Variants in KIF13B observed in about 807,000 individuals in gnomAD.
KIF13B encodes kinesin-like protein KIF13B.
KIF13B carries 127 observed loss-of-function variants against 222.0 expected under a neutral mutation model. The ratio of observed to expected loss-of-function variants is 0.57; its 90% CI spans 0.50 to 0.66. The LOEUF (loss-of-function observed/expected upper bound fraction) is 0.66. Among genes scored for constraint, KIF13B ranks in the 30% least tolerant of loss-of-function variants. The probability of loss-of-function intolerance (pLI) is 0.00; values close to 1 mark genes in which losing one functional copy is unlikely to be tolerated. For missense variants in KIF13B, 2,173 were observed against 2,379.0 expected, an observed-to-expected ratio of 0.91 and a Z score of 1.80; for synonymous variants, 976 against 919.0, an observed-to-expected ratio of 1.06 and a Z score of -1.12.
At chr8:29,112,572 G>A (rs777963335) in intron 32 of KIF13B, among the ~76,000 whole-genome samples, 3 of 152,136 alleles carry the variant, frequency 2.0e-5, no homozygotes, top group Admixed American at 6.6e-5. Flanking sequence ...GGCATGGTAT[G>A]AGGGGCGTCT....
chr8:29,074,498 C>T (rs1032957549), intron 38 of KIF13B, among the ~76,000 whole-genome samples: 1 of 152,252 alleles, frequency 6.6e-6, no homozygotes, highest in Non-Finnish European at 1.5e-5. Context: ...TCTGCAAAAG[C>T]CCAAGCTTGG....
chr8:29,181,944 G>A lies in KIF13B; in HGVS notation c.560C>T (p.Ser187Phe). The A allele has an allele frequency of 1.2e-6, 2 of 1,613,596 alleles. No individual in the cohort carries two copies. The highest frequency in any genetic ancestry group is 2.2e-5 in the East Asian group (1 of 44,862). Residue 187 changes from serine to phenylalanine, a missense_variant, in exon 7 of 40, where the codon TCT becomes TTT. Physicochemically the swap from Ser to Phe is radical, Grantham distance 155. This residue lies in a region of KIF13B where 1,480 missense variants were observed against 1,722.8 expected (regional missense o/e 0.86). Coordinates refer to ENST00000524189, the MANE Select transcript of KIF13B (RefSeq NM_015254.4). ...SVLGPYVDGL[S>F]KLAVTSYKDI... ...CTTGTAGCTTGTGACAGCCAGTTTA[G>A]AAAGTCCGTCGACATAAGGTCCCAA... is the stretch of plus-strand genomic sequence containing the variant.
intron 2 of KIF13B, among the ~76,000 whole-genome samples, chr8:29,228,438 G>T (rs1437042893): frequency 1.4e-5 from 2 of 138,420 alleles, no homozygotes; most frequent in East Asian, 3.9e-4. Context: ...CTGCACTCCA[G>T]CCTGGGTGAC....
chr8:29,209,586 T>C (rs2130464553), intron 2 of KIF13B, among the ~76,000 whole-genome samples: 1 of 152,242 alleles, frequency 6.6e-6, no homozygotes, highest in African/African-American at 2.4e-5. Flanking sequence ...GACTCCCCTC[T>C]CCAGGCAGGG....
intron 32 of KIF13B, among the ~76,000 whole-genome samples, chr8:29,111,600 C>T (rs771404671): frequency 6.6e-6 from 1 of 152,128 alleles, no homozygotes; most frequent in Admixed American, 6.5e-5. Flanking sequence ...TCAAGCTGAT[C>T]CCCCCTATAT....
intron 25 of KIF13B, 58 bp from the exon 26 acceptor site, chr8:29,126,569 T>A (rs1810119434): frequency 9.9e-7 from 1 of 1,013,364 alleles, no homozygotes; most frequent in Non-Finnish European, 1.5e-6. Context: ...AGAATCAGGC[T>A]ACGCTAAACA....
At chr8:29,112,084 G>C (rs1458159881) in intron 32 of KIF13B, among the ~76,000 whole-genome samples, 1 of 152,142 alleles carries the variant, frequency 6.6e-6, no homozygotes, top group Non-Finnish European at 1.5e-5. Flanking sequence ...CATGACTTGA[G>C]AGGCAAAAGC....
chr8:29,206,629 T>C (rs1425692074), intron 2 of KIF13B, among the ~76,000 whole-genome samples: 2 of 152,204 alleles, frequency 1.3e-5, no homozygotes, highest in Non-Finnish European at 1.5e-5. Flanking sequence ...CCCTTTTTCC[T>C]TCTGATAGTC....
At position 29,263,061 on chromosome 8, in the gene KIF13B, G is replaced by T. The variant is rs1587004732; in HGVS notation, c.-27C>A. The T allele has an allele frequency of 6.4e-7, 1 of 1,574,668 alleles. No homozygotes were observed. On this transcript the variant is annotated 5_prime_UTR_variant, in exon 1 of 40. Transcript: ENST00000524189. ...CTGCAGCCGCCGAGGAACTCGTTCG[G>T]CTTCCGTCTGCCGCGGCCACCGGCG... is the stretch of plus-strand genomic sequence containing the variant.
intron 2 of KIF13B, among the ~76,000 whole-genome samples, chr8:29,215,683 C>T (rs549557480): frequency 2.1e-4 from 32 of 152,282 alleles, no homozygotes; most frequent in African/African-American, 7.7e-4. Context: ...CAAGGTGAGA[C>T]CCTTTTTAAT....
intron 2 of KIF13B, among the ~76,000 whole-genome samples, chr8:29,196,963 C>T (rs1227782797): frequency 6.6e-6 from 1 of 152,114 alleles, no homozygotes; most frequent in Non-Finnish European, 1.5e-5. Flanking sequence ...TATTCCTCTC[C>T]GCACACATAA....
intron 17 of KIF13B, 90 bp downstream of exon 17, chr8:29,147,302 T>G: frequency 1.1e-6 from 1 of 910,230 alleles, no homozygotes; most frequent in Non-Finnish European, 1.7e-6. Context: ...GTAAGCACCA[T>G]CTTAATGTTC....
chr8:29,197,286 G>A (rs1813473812), intron 2 of KIF13B, among the ~76,000 whole-genome samples: 2 of 131,744 alleles, frequency 1.5e-5, no homozygotes, highest in East Asian at 4.5e-4. Flanking sequence ...GCAGTGAGCC[G>A]AGATCCCGCC....
At chr8:29,256,764 T>C (rs1046269397) in intron 1 of KIF13B, among the ~76,000 whole-genome samples, 4 of 152,126 alleles carry the variant, frequency 2.6e-5, no homozygotes, top group Non-Finnish European at 4.4e-5. Flanking sequence ...GTTTGTTTGT[T>C]TGTTTGTTTT....
intron 24 of KIF13B, among the ~76,000 whole-genome samples, chr8:29,127,664 C>A (rs1461101658): frequency 1.3e-5 from 2 of 152,176 alleles, no homozygotes; most frequent in Non-Finnish European, 2.9e-5. Flanking sequence ...ATTTCCAATG[C>A]CCTACATTTA....
intron 37 of KIF13B, among the ~76,000 whole-genome samples, chr8:29,082,256 T>C (rs1807846162): frequency 2.6e-5 from 4 of 152,224 alleles, no homozygotes; most frequent in South Asian, 2.1e-4. Context: ...AATTATTTTA[T>C]CACTGCCTAT....
intron 7 of KIF13B, among the ~76,000 whole-genome samples, chr8:29,180,826 A>G (rs1292885588): frequency 6.6e-6 from 1 of 151,458 alleles, no homozygotes; most frequent in Non-Finnish European, 1.5e-5. Context: ...TTTTTTTTTA[A>G]TGTTATAAGC....
Position 29,186,514 on chromosome 8 carries a change from C to T in KIF13B, c.317-42G>A, listed in dbSNP as rs114003518. The T allele has an allele frequency of 1.6e-4, 235 of 1,512,248 alleles. No homozygotes were observed. In the African/African-American group the frequency reaches 2.4e-3, roughly 15 times the overall value. The allele number at this position is 1,512,248 out of a possible 1,614,324, so 93.7% of individuals were successfully genotyped here. On this transcript the variant is annotated intron_variant, in intron 5 of 39. Coordinates refer to ENST00000524189, the MANE Select transcript of KIF13B (RefSeq NM_015254.4). ...CAGAGTTACTATTGTCTCTTTGAGA[C>T]GTTAAATACATAACCCTCTTTCCGT...
chr8:29,240,100 A>C (rs559055420), intron 2 of KIF13B, among the ~76,000 whole-genome samples: 1 of 151,664 alleles, frequency 6.6e-6, no homozygotes, highest in Admixed American at 6.6e-5. Context: ...TTCTCCCCCA[A>C]GCTAAGTGGG....
Sources: allele counts gnomAD v4.1 joint callset (sites outside exome capture counted in the v4.1 genomes callset), GRCh38; gene constraint gnomAD v4.1.1; regional missense constraint gnomAD v4.1.1; transcripts MANE v1.5; gene names NCBI Gene and HGNC (gene_info 2026-07-23, HGNC 2026-07-21).